Variants in PNPT1 observed in about 807,000 individuals in gnomAD.
PNPT1 encodes the protein polyribonucleotide nucleotidyltransferase 1, mitochondrial.
Under a neutral mutation model 119.5 loss-of-function variants are expected in PNPT1, and 53 were observed. The ratio of observed to expected loss-of-function variants is 0.44; its 90% CI spans 0.36 to 0.56. The LOEUF is 0.56. PNPT1 is among the 20% of genes least tolerant of loss of function. The pLI, the probability that PNPT1 is intolerant of heterozygous loss-of-function variation, is 0.00. For missense variants in PNPT1, 948 were observed against 938.5 expected (o/e 1.01, Z -0.13); for synonymous variants, 357 against 322.1 (o/e 1.11, Z -1.16).
At chr2:55,656,261 G>A (rs951898404) in intron 16 of PNPT1, 41 bp from the exon 17 acceptor site, 49 of 1,611,214 alleles carry the variant, frequency 3.0e-5, no homozygotes, top group Non-Finnish European at 3.9e-5. Context: ...AATGTATTAA[G>A]TCTCTGTAAG....
rs757659736 is a variant in PNPT1, at chr2:55,679,729, G to A, written c.632C>T (p.Ser211Phe). The change falls in exon 8 of 28, where the codon TCT (serine) becomes TTT (phenylalanine). Residue 211 changes from serine to phenylalanine, a missense_variant. Transcript: ENST00000447944. ...AGCAACCACTAAATTTAAAGTACTA[G>A]AAGACATTTCTTTTCTTGTTGGGTT... ...VVNPTRKEMS[S>F]STLNLVVAGA... 5.0e-6 allele frequency: 8 copies of A among 1,612,682 alleles called. No individual in the cohort carries two copies. Among genetic ancestry groups the A allele is most frequent in the Middle Eastern group, 1.7e-4 (1 of 6,034 alleles).
At chr2:55,675,430 G>A (rs990317005) in intron 8 of PNPT1, among the ~76,000 whole-genome samples, 2 of 152,016 alleles carry the variant, frequency 1.3e-5, no homozygotes, top group African/African-American at 4.8e-5. Flanking sequence ...AAAAATAATG[G>A]TAAAATTTAA....
intron 21 of PNPT1, 89 bp downstream of exon 21, chr2:55,646,170 G>A (rs1467537964): frequency 4.7e-6 from 6 of 1,276,124 alleles, no homozygotes; most frequent in Non-Finnish European, 6.6e-6. Context: ...ACTTTTTAAA[G>A]CAATATTTTA....
At chr2:55,673,347 A>G (rs1696971780) in intron 8 of PNPT1, among the ~76,000 whole-genome samples, 1 of 152,184 alleles carries the variant, frequency 6.6e-6, no homozygotes, top group Non-Finnish European at 1.5e-5. Context: ...CAGAAAAAAA[A>G]AAGAAATCAT....
intron 8 of PNPT1, among the ~76,000 whole-genome samples, chr2:55,675,759 A>G (rs905239732): frequency 6.6e-6 from 1 of 152,210 alleles, no homozygotes; most frequent in African/African-American, 2.4e-5. Flanking sequence ...GTGCTGTCCA[A>G]TATGGTAACT....
chr2:55,659,122 T>A (rs938446221), intron 15 of PNPT1, among the ~76,000 whole-genome samples: 3 of 152,000 alleles, frequency 2.0e-5, no homozygotes, highest in African/African-American at 7.3e-5. Flanking sequence ...GCTTGGCTAA[T>A]TTTTAGATCT....
Position 55,687,048 on chromosome 2 carries a change from A to T in PNPT1, c.222+597T>A, listed in dbSNP as rs528968987. Among the ~76,000 whole-genome samples, 3 of 152,080 alleles carry T rather than the reference A, an allele frequency of 2.0e-5. 1 individual carries two copies. Among genetic ancestry groups the T allele is most frequent in the African/African-American group, 7.2e-5 (3 of 41,498 alleles). ...GCTAACACGGTGAAACCTCGACTCT[A>T]CTAAAAATACAAAAAATTAGCTGGG... On this transcript the variant is annotated intron_variant, in intron 2 of 27. Transcript: ENST00000447944.
intron 5 of PNPT1, among the ~76,000 whole-genome samples, chr2:55,681,546 T>C (rs1026604141): frequency 1.3e-5 from 2 of 152,052 alleles, no homozygotes; most frequent in African/African-American, 2.4e-5. Flanking sequence ...ATTTCTATCA[T>C]ATAAAAATAT....
At chr2:55,670,325 C>T (rs1251102101) in intron 11 of PNPT1, among the ~76,000 whole-genome samples, 2 of 150,868 alleles carry the variant, frequency 1.3e-5, no homozygotes, top group Non-Finnish European at 3.0e-5. Context: ...TAGCTGGGAC[C>T]ACAGGTGCCC....
chr2:55,686,795 A>G (rs534029580), intron 2 of PNPT1, among the ~76,000 whole-genome samples: 6 of 152,366 alleles, frequency 3.9e-5, no homozygotes, highest in Non-Finnish European at 7.3e-5. Context: ...GAATTTATTA[A>G]CGCATAAAAC....
intron 17 of PNPT1, 28 bp from the exon 18 acceptor site, chr2:55,654,981 A>G (rs754873843): frequency 1.9e-6 from 3 of 1,579,398 alleles, no homozygotes; most frequent in Non-Finnish European, 2.6e-6. Flanking sequence ...ACTGCTTTAT[A>G]TTAAACTGAT....
chr2:55,650,470 A>G (rs1454172850), intron 18 of PNPT1, among the ~76,000 whole-genome samples: 1 of 152,168 alleles, frequency 6.6e-6, no homozygotes, highest in Non-Finnish European at 1.5e-5. Flanking sequence ...GCTGGAGTGC[A>G]GTGGCGTGAT....
chr2:55,673,725 C>T (rs973294833), intron 8 of PNPT1, among the ~76,000 whole-genome samples: 3 of 151,960 alleles, frequency 2.0e-5, no homozygotes, highest in African/African-American at 4.8e-5. Flanking sequence ...TGGGATTAGA[C>T]GTGAGCCACT....
intron 22 of PNPT1, chr2:55,645,058 T>A (rs751332637): frequency 8.9e-4 from 226 of 252,784 alleles, no homozygotes; most frequent in Middle Eastern, 2.5e-3. Context: ...GAGTCTCACT[T>A]TGTCGCCCAG....
At chr2:55,678,830 A>G (rs1440102994) in intron 8 of PNPT1, among the ~76,000 whole-genome samples, 1 of 152,242 alleles carries the variant, frequency 6.6e-6, no homozygotes, top group Non-Finnish European at 1.5e-5. Context: ...ACCTAATTTT[A>G]ACTTCATCAC....
chr2:55,682,374 T>C (rs763993902), intron 5 of PNPT1, among the ~76,000 whole-genome samples: 1 of 151,154 alleles, frequency 6.6e-6, no homozygotes, highest in Non-Finnish European at 1.5e-5. Flanking sequence ...GCAGGGAGAA[T>C]GGTTTGAACC....
chr2:55,640,133 A>G (rs1695792108), intron 26 of PNPT1, among the ~76,000 whole-genome samples: 2 of 152,124 alleles, frequency 1.3e-5, no homozygotes, highest in Non-Finnish European at 2.9e-5. Context: ...GCTTTATAAT[A>G]TATTTTAATA....
chr2:55,689,730 T>C (rs1303556712), intron 1 of PNPT1, among the ~76,000 whole-genome samples: 2 of 152,174 alleles, frequency 1.3e-5, no homozygotes, highest in Admixed American at 1.3e-4. Context: ...TGAATTTCTT[T>C]TTAGGGTGAT....
At chr2:55,658,960 C>G (rs1299911183) in intron 15 of PNPT1, among the ~76,000 whole-genome samples, 1 of 152,096 alleles carries the variant, frequency 6.6e-6, no homozygotes, top group African/African-American at 2.4e-5. Flanking sequence ...TATTCTTTTT[C>G]TTTTTATTTT....
Sources: allele counts gnomAD v4.1 joint callset (sites outside exome capture counted in the v4.1 genomes callset), GRCh38; gene constraint gnomAD v4.1.1; transcripts MANE v1.5; gene names NCBI Gene and HGNC (gene_info 2026-07-23, HGNC 2026-07-21).